The following LINGO2 variants were observed in gnomAD, a reference collection of about 807,000 sequenced individuals.
The protein encoded by LINGO2 is leucine-rich repeat and immunoglobulin-like domain-containing nogo receptor-interacting protein 2.
A neutral mutation model predicts 30.6 loss-of-function variants in LINGO2; 14 were observed. The observed-to-expected ratio is 0.46, with a 90% CI of 0.30 to 0.72. The LOEUF (loss-of-function observed/expected upper bound fraction) is 0.72, where lower values mean the gene tolerates loss of function less well. Ranked by LOEUF, LINGO2 falls within the 30% of genes least tolerant of loss-of-function variation. The probability of loss-of-function intolerance (pLI) is 0.07; values close to 1 mark genes in which losing one functional copy is unlikely to be tolerated. For synonymous variants in LINGO2, 317 were observed against 288.5 expected, an observed-to-expected ratio of 1.10 and a Z score of -1.00; for missense variants, 729 against 751.7, an observed-to-expected ratio of 0.97 and a Z score of 0.35.
At chr9:29,094,812 C>T in the LINGO2 span, among the ~76,000 whole-genome samples, 16 of 138,710 alleles carry the variant, frequency 1.2e-4, 3 homozygotes, top group African/African-American at 4.0e-4. Context: ...TTAAATGTGT[C>T]TACTAGACAT....
At chr9:29,087,372 G>A in the LINGO2 span, among the ~76,000 whole-genome samples, 17 of 152,154 alleles carry the variant, frequency 1.1e-4, no homozygotes, top group East Asian at 3.9e-4. Flanking sequence ...ACATTAAGCC[G>A]CTAGTAAATG....
intron 3 of LINGO2, among the ~76,000 whole-genome samples, chr9:28,326,067 C>T (rs542284507): frequency 7.9e-5 from 12 of 152,248 alleles, no homozygotes; most frequent in Non-Finnish European, 1.5e-4. Flanking sequence ...AGTGCAGTGG[C>T]GTGATCTTGG....
chr9:28,493,255 C>G (rs1337004682), intron 1 of LINGO2, among the ~76,000 whole-genome samples: 1 of 152,124 alleles, frequency 6.6e-6, no homozygotes, highest in Non-Finnish European at 1.5e-5. Flanking sequence ...GTTAATACTT[C>G]CACCTACATT....
intron 2 of LINGO2, among the ~76,000 whole-genome samples, chr9:28,387,599 G>T (rs1054530467): frequency 1.3e-5 from 2 of 152,176 alleles, no homozygotes; most frequent in Non-Finnish European, 2.9e-5. Context: ...TCACTACGAA[G>T]GTCTGCATCT....
the LINGO2 span, among the ~76,000 whole-genome samples, chr9:28,996,395 G>C: frequency 3.3e-5 from 5 of 152,088 alleles, no homozygotes; most frequent in Non-Finnish European, 4.4e-5. Flanking sequence ...AGATCACCAG[G>C]TCTACTACAG....
intron 4 of LINGO2, among the ~76,000 whole-genome samples, chr9:28,196,808 C>T (rs1587198016): frequency 6.6e-6 from 1 of 151,792 alleles, no homozygotes; most frequent in South Asian, 2.1e-4. Flanking sequence ...TATAGAAATA[C>T]AAATATCACA....
chr9:28,480,762 T>A (rs1825930476), intron 1 of LINGO2, among the ~76,000 whole-genome samples: 1 of 152,192 alleles, frequency 6.6e-6, no homozygotes, highest in African/African-American at 2.4e-5. Context: ...TACTTTCAAT[T>A]TTTTTTGTTA....
the LINGO2 span, among the ~76,000 whole-genome samples, chr9:29,109,325 T>C: frequency 6.6e-6 from 1 of 152,150 alleles, no homozygotes; most frequent in Non-Finnish European, 1.5e-5. Context: ...ATACTTTATG[T>C]TAAATCTAAA....
intron 2 of LINGO2, among the ~76,000 whole-genome samples, chr9:28,450,537 C>A (rs576164285): frequency 6.6e-6 from 1 of 152,074 alleles, no homozygotes; most frequent in East Asian, 1.9e-4. Context: ...CCTTTTGCTC[C>A]TTTTAACTTT....
the LINGO2 span, among the ~76,000 whole-genome samples, chr9:29,074,912 G>A: frequency 2.6e-5 from 4 of 151,476 alleles, no homozygotes; most frequent in African/African-American, 7.3e-5. Flanking sequence ...TCCTGACCTC[G>A]TGATCCGCCC....
chr9:29,198,945 T>G, the LINGO2 span, among the ~76,000 whole-genome samples: 2 of 152,250 alleles, frequency 1.3e-5, no homozygotes, highest in South Asian at 4.1e-4. Context: ...TAGGGGCCTC[T>G]GAGAAATACA....
At chr9:29,011,093 G>T in the LINGO2 span, among the ~76,000 whole-genome samples, 1 of 152,068 alleles carries the variant, frequency 6.6e-6, no homozygotes, top group Middle Eastern at 3.2e-3. Flanking sequence ...TTAAACATTG[G>T]TTTCTTAATC....
At chr9:29,098,404 G>C in the LINGO2 span, among the ~76,000 whole-genome samples, 1 of 152,184 alleles carries the variant, frequency 6.6e-6, no homozygotes, top group African/African-American at 2.4e-5. Context: ...ATCTTGGGAA[G>C]ATTCAAGTAG....
At chr9:28,145,542 G>T (rs1827789358) in intron 4 of LINGO2, among the ~76,000 whole-genome samples, 1 of 152,256 alleles carries the variant, frequency 6.6e-6, no homozygotes, top group Non-Finnish European at 1.5e-5. Context: ...CTCTAATTCA[G>T]TTCTGAGATG....
chr9:28,931,683 TGAG>T, the LINGO2 span, among the ~76,000 whole-genome samples: 2 of 152,208 alleles, frequency 1.3e-5, no homozygotes, highest in African/African-American at 4.8e-5. Context: ...GAGCTTAGGT[TGAG>T]GAAACATAGG....
intron 4 of LINGO2, among the ~76,000 whole-genome samples, chr9:28,082,708 C>T (rs1291562689): frequency 6.6e-6 from 1 of 152,114 alleles, no homozygotes; most frequent in Admixed American, 6.6e-5. Context: ...AGAAATACCT[C>T]AGTTAAAGAA....
At chr9:28,559,298 G>T (rs1420492978) in intron 1 of LINGO2, among the ~76,000 whole-genome samples, 2 of 152,204 alleles carry the variant, frequency 1.3e-5, no homozygotes, top group South Asian at 4.1e-4. Context: ...ATCTGAAAAT[G>T]TCTCAGATCT....
chr9:27,964,220 A>G (rs910086530), intron 5 of LINGO2, among the ~76,000 whole-genome samples: 6 of 152,124 alleles, frequency 3.9e-5, no homozygotes, highest in Non-Finnish European at 7.4e-5. Flanking sequence ...CCAGACTTGG[A>G]GAGCATCAAA....
chr9:28,236,022 T>C (rs1375895371), intron 4 of LINGO2, among the ~76,000 whole-genome samples: 1 of 152,014 alleles, frequency 6.6e-6, no homozygotes, highest in East Asian at 1.9e-4. Context: ...TAAGACTATT[T>C]CAAGGCATGT....
Sources: gnomAD v4.1 joint callset for allele counts (sites outside exome capture counted in the v4.1 genomes callset) on GRCh38, gnomAD v4.1.1 for gene constraint, MANE v1.5 for transcripts, NCBI Gene and HGNC (gene_info 2026-07-23, HGNC 2026-07-21) for gene names.